Variants in STARD13 observed in about 807,000 individuals in gnomAD.
STARD13 encodes stAR-related lipid transfer protein 13.
STARD13 carries 62 observed loss-of-function variants against 106.4 expected under a neutral mutation model. The ratio of observed to expected loss-of-function variants is 0.58; its 90% CI spans 0.48 to 0.72. The LOEUF (loss-of-function observed/expected upper bound fraction) is 0.72, where lower values mean the gene tolerates loss of function less well. STARD13 is among the 30% of genes least tolerant of loss of function. The pLI, the probability that STARD13 is intolerant of heterozygous loss-of-function variation, is 0.00. For missense variants in STARD13, 1,387 were observed against 1,424.0 expected, an observed-to-expected ratio of 0.97 and a Z score of 0.42; for synonymous variants, 565 against 553.0, an observed-to-expected ratio of 1.02 and a Z score of -0.31.
At chr13:33,564,223 A>G in the STARD13 span, among the ~76,000 whole-genome samples, 13,587 of 143,426 alleles carry the variant, frequency 0.095, 1,954 homozygotes, top group East Asian at 0.31. Flanking sequence ...AAAAAAAAAA[A>G]AAAAGAAAAG....
chr13:33,292,058 A>G (rs1406349053), intron 1 of STARD13, among the ~76,000 whole-genome samples: 2 of 152,174 alleles, frequency 1.3e-5, no homozygotes, highest in East Asian at 3.9e-4. Context: ...AAAGTAAAAA[A>G]TAAACAACTA....
At chr13:33,160,895 G>T (rs145876025) in intron 3 of STARD13, among the ~76,000 whole-genome samples, 2 of 152,228 alleles carry the variant, frequency 1.3e-5, no homozygotes, top group South Asian at 2.1e-4. Context: ...ATCATATAGA[G>T]CCCACGATCC....
At chr13:33,453,814 T>C in the STARD13 span, among the ~76,000 whole-genome samples, 2 of 152,240 alleles carry the variant, frequency 1.3e-5, no homozygotes, top group Non-Finnish European at 2.9e-5. Flanking sequence ...GCCCTGCTAA[T>C]TCAGCATTTG....
At chr13:33,652,137 T>C in the STARD13 span, among the ~76,000 whole-genome samples, 2 of 152,194 alleles carry the variant, frequency 1.3e-5, no homozygotes, top group African/African-American at 4.8e-5. Context: ...TTCTAAACAA[T>C]AGAAAACCAG....
intron 7 of STARD13, among the ~76,000 whole-genome samples, chr13:33,122,757 G>C (rs971393709): frequency 6.6e-6 from 1 of 152,050 alleles, no homozygotes; most frequent in Non-Finnish European, 1.5e-5. Flanking sequence ...ACCTAGCTAT[G>C]AAAAAGCAAG....
the STARD13 span, among the ~76,000 whole-genome samples, chr13:33,444,325 C>T: frequency 6.6e-6 from 1 of 152,130 alleles, no homozygotes; most frequent in African/African-American, 2.4e-5. Context: ...TCATGGATAA[C>T]TATTAGAATT....
At chr13:33,321,440 A>G (rs548203151) in intron 1 of STARD13, among the ~76,000 whole-genome samples, 1 of 151,830 alleles carries the variant, frequency 6.6e-6, no homozygotes, top group South Asian at 2.1e-4. Context: ...TGGGAGACGG[A>G]GGTTGCAGTC....
the STARD13 span, among the ~76,000 whole-genome samples, chr13:33,439,240 A>C: frequency 6.6e-6 from 1 of 152,260 alleles, no homozygotes; most frequent in Non-Finnish European, 1.5e-5. Flanking sequence ...TAAAGCTGCC[A>C]AGTATTCAGA....
At chr13:33,309,776 A>T (rs961584196) in intron 1 of STARD13, among the ~76,000 whole-genome samples, 2 of 152,220 alleles carry the variant, frequency 1.3e-5, no homozygotes, top group Non-Finnish European at 2.9e-5. Flanking sequence ...AATACTGATA[A>T]TCTCCACTGG....
intron 1 of STARD13, among the ~76,000 whole-genome samples, chr13:33,235,316 C>T (rs1250713338): frequency 1.3e-5 from 2 of 152,106 alleles, no homozygotes; most frequent in African/African-American, 4.8e-5. Flanking sequence ...GGATTTTTGG[C>T]AGATGCTGTG....
At position 33,213,340 on chromosome 13, in the gene STARD13, G is replaced by A. The variant is rs529272233; in HGVS notation, c.170-45718C>T. Among the ~76,000 whole-genome samples, 3 of 152,198 alleles carry A rather than the reference G, an allele frequency of 2.0e-5. No homozygotes were observed. The South Asian group carries it at 6.2e-4, about 32-fold the overall frequency. ...AATGGGGGAGAAAAAAAATCTTGTC[G>A]GCAAAGAGTCAACCATGCACTGGGG... On this transcript the variant is annotated intron_variant, in intron 1 of 13. Coordinates refer to ENST00000336934, the MANE Select transcript of STARD13 (RefSeq NM_178006.4).
the STARD13 span, among the ~76,000 whole-genome samples, chr13:33,564,477 T>C: frequency 2.1e-5 from 3 of 146,036 alleles, no homozygotes; most frequent in African/African-American, 5.1e-5. Flanking sequence ...GAAAGGACTA[T>C]GGAGGTTTAT....
the STARD13 span, among the ~76,000 whole-genome samples, chr13:33,668,223 T>C: frequency 3.9e-5 from 6 of 152,220 alleles, no homozygotes. Context: ...TGAAACACTT[T>C]GCACCTACCT....
chr13:33,660,578 A>T, the STARD13 span, among the ~76,000 whole-genome samples: 1 of 152,094 alleles, frequency 6.6e-6, no homozygotes. Context: ...CTTGATTTGT[A>T]CTGTGGGTTT....
the STARD13 span, among the ~76,000 whole-genome samples, chr13:33,593,922 T>C: frequency 6.6e-6 from 1 of 152,116 alleles, no homozygotes; most frequent in Non-Finnish European, 1.5e-5. Flanking sequence ...GTTTTCTTTT[T>C]TTGAGACGGA....
the STARD13 span, among the ~76,000 whole-genome samples, chr13:33,616,859 G>C: frequency 6.6e-6 from 1 of 152,168 alleles, no homozygotes; most frequent in Non-Finnish European, 1.5e-5. Context: ...ATGGGTCTGG[G>C]AGAAAGGACA....
chr13:33,254,959 AC>A (rs201007485), intron 1 of STARD13, among the ~76,000 whole-genome samples: 2,938 of 152,274 alleles, frequency 0.019, 39 homozygotes, highest in South Asian at 0.04. Context: ...GAAAGCTGTC[AC>A]ACTGGCCCTC....
intron 1 of STARD13, among the ~76,000 whole-genome samples, chr13:33,246,693 G>C (rs1368204749): frequency 6.6e-6 from 1 of 152,040 alleles, no homozygotes; most frequent in Admixed American, 6.6e-5. Context: ...TAAAAATATT[G>C]ATGACCATAA....
chr13:33,346,311 C>T (rs941373512), downstream of STARD13, among the ~76,000 whole-genome samples: 6 of 152,192 alleles, frequency 3.9e-5, no homozygotes, highest in African/African-American at 1.4e-4. Flanking sequence ...CCCAGCTAAA[C>T]TCCCCAGGCC....
Sources: gnomAD v4.1 joint callset for allele counts (sites outside exome capture counted in the v4.1 genomes callset) on GRCh38, gnomAD v4.1.1 for gene constraint, MANE v1.5 for transcripts, NCBI Gene and HGNC (gene_info 2026-07-23, HGNC 2026-07-21) for gene names.